Variants in NOSTRIN observed in about 807,000 individuals in gnomAD.
NOSTRIN encodes BM247 homolog.
A neutral mutation model predicts 59.0 loss-of-function variants in NOSTRIN; 63 were observed. The observed-to-expected ratio is 1.07, with a 90% confidence interval of 0.87 to 1.32. The LOEUF (loss-of-function observed/expected upper bound fraction) is 1.32. NOSTRIN is among the 40% of genes most tolerant of loss of function. The pLI is 0.00. For missense variants in NOSTRIN, 512 were observed against 473.1 expected (o/e 1.08, Z -0.76); for synonymous variants, 200 against 165.4 (o/e 1.21, Z -1.61).
At chr2:168,814,552 C>T (rs141220802) in intron 2 of NOSTRIN, among the ~76,000 whole-genome samples, 13 of 152,250 alleles carry the variant, frequency 8.5e-5, no homozygotes, top group African/African-American at 3.1e-4. Flanking sequence ...TATCTTGTTA[C>T]TTAAGGTTAC....
At chr2:168,787,996 T>C (rs570048784) in exon 2 of NOSTRIN, 1 of 152,016 alleles carries the variant, frequency 6.6e-6, no homozygotes, top group African/African-American at 2.4e-5. Context: ...ATACCCATGT[T>C]TGGGGGATGA....
At chr2:168,803,561 A>C (rs903729654) in intron 1 of NOSTRIN, among the ~76,000 whole-genome samples, 7 of 152,214 alleles carry the variant, frequency 4.6e-5, no homozygotes, top group Non-Finnish European at 1.5e-5. Context: ...TGTTTATTCA[A>C]TGGATAAGAA....
chr2:168,804,922 T>C lies in NOSTRIN; in HGVS notation c.27+2249T>C, dbSNP rs7573108. On this transcript the variant is annotated intron_variant, in intron 1 of 15. Coordinates refer to ENST00000317647, the MANE Select transcript of NOSTRIN (RefSeq NM_001039724.4). ...AAATTTTATGATAACATTACAGTTG[T>C]TGCACATATCTAGAAATATTTACAT... is the stretch of plus-strand genomic sequence containing the variant. Among the ~76,000 whole-genome samples the C allele has an allele frequency of 9.8e-3, 1,499 of 152,336 alleles. 23 individuals carry two copies. Among genetic ancestry groups the C allele is most frequent in the African/African-American group, 0.034 (1,427 of 41,570 alleles).
intron 1 of NOSTRIN, among the ~76,000 whole-genome samples, chr2:168,811,051 T>C (rs1190935710): frequency 6.6e-6 from 1 of 152,218 alleles, no homozygotes; most frequent in African/African-American, 2.4e-5. Flanking sequence ...TTTTTCTTAC[T>C]GGAATTAAAT....
intron 3 of NOSTRIN, among the ~76,000 whole-genome samples, chr2:168,826,446 T>TCCCTCCC (rs1559116867): frequency 6.6e-6 from 1 of 151,782 alleles, no homozygotes; most frequent in Non-Finnish European, 1.5e-5. Context: ...TTTCTTTCTC[T>TCCCTCCC]TCCCTCCCTT....
intron 15 of NOSTRIN, among the ~76,000 whole-genome samples, chr2:168,864,330 A>T (rs1229060582): frequency 1.3e-5 from 2 of 149,010 alleles, no homozygotes; most frequent in African/African-American, 5.0e-5. Context: ...GCTGTTGCCC[A>T]GGCTAGAGTG....
upstream of NOSTRIN, among the ~76,000 whole-genome samples, chr2:168,797,971 A>G (rs752883888): frequency 2.6e-5 from 4 of 152,186 alleles, no homozygotes; most frequent in Non-Finnish European, 4.4e-5. Context: ...ATCCAAAGAT[A>G]TTCAAGTCCC....
chr2:168,794,901 A>G (rs1283329374), upstream of NOSTRIN, among the ~76,000 whole-genome samples: 3 of 152,188 alleles, frequency 2.0e-5, no homozygotes, highest in Non-Finnish European at 4.4e-5. Flanking sequence ...CTCTTAGTAA[A>G]TACTTTTTAA....
rs773547063 is a variant in NOSTRIN at position 168,834,486 on chromosome 2, GGCGTGCGCGCGCGC to G, written c.504+165_504+178del. On this transcript the variant is annotated intron_variant, in intron 7 of 15. Coordinates refer to ENST00000317647, the MANE Select transcript of NOSTRIN (RefSeq NM_001039724.4). ...TAAAAGGGGATTCCAAATCATTACTGGCGTGCGCGCGCGCGCGCGCGCACACACACACACACACA... is the reference window on the plus strand; with the variant it reads ...TAAAAGGGGATTCCAAATCATTACTGGCGCGCGCACACACACACACACACA... Among the ~76,000 whole-genome samples the G allele has an allele frequency of 0.017, 780 of 46,526 alleles. 34 individuals are homozygous for G. The East Asian group carries it at 0.23, about 14-fold the overall frequency. The allele number at this position is 46,526 out of a possible 152,430, so 30.5% of individuals were successfully genotyped here. A position where few individuals can be genotyped will look rare whatever the true frequency, so the allele number is the denominator to read the frequency against.
At chr2:168,818,821 C>A (rs774026411) in intron 2 of NOSTRIN, among the ~76,000 whole-genome samples, 9 of 141,510 alleles carry the variant, frequency 6.4e-5, no homozygotes, top group Non-Finnish European at 1.4e-4. Flanking sequence ...GGTCCAGAAC[C>A]TTTTTTAGCA....
At chr2:168,799,459 G>A (rs949929128), upstream of NOSTRIN, among the ~76,000 whole-genome samples, 12 of 152,188 alleles carry the variant, frequency 7.9e-5, no homozygotes, top group African/African-American at 2.4e-4. Flanking sequence ...GGGGACAAAT[G>A]TGCTCACTGT....
chr2:168,843,646 A>T (rs1374509616), intron 8 of NOSTRIN, among the ~76,000 whole-genome samples: 1 of 152,260 alleles, frequency 6.6e-6, no homozygotes, highest in Non-Finnish European at 1.5e-5. Context: ...ACATCACAAA[A>T]GGAGAAATCA....
At chr2:168,864,691 C>T (rs1689743540) in intron 15 of NOSTRIN, 143 bp from the exon 16 acceptor site, 3 of 809,620 alleles carry the variant, frequency 3.7e-6, no homozygotes, top group Non-Finnish European at 5.9e-6. Flanking sequence ...GTGTTCGATA[C>T]ATTTGGCTTC....
At chr2:168,851,030 C>A in intron 8 of NOSTRIN, 54 bp from the exon 9 acceptor site, 1 of 1,040,170 alleles carries the variant, frequency 9.6e-7, no homozygotes, top group Non-Finnish European at 1.5e-6. Flanking sequence ...TGATGAGTGA[C>A]TTCCATTTTG....
At chr2:168,840,737 G>A (rs1234712411) in intron 7 of NOSTRIN, among the ~76,000 whole-genome samples, 1 of 152,028 alleles carries the variant, frequency 6.6e-6, no homozygotes, top group African/African-American at 2.4e-5. Flanking sequence ...AACAGCCTTT[G>A]TCTCTGTCCT....
intron 2 of NOSTRIN, among the ~76,000 whole-genome samples, chr2:168,822,655 T>G (rs1403016902): frequency 6.6e-6 from 1 of 152,218 alleles, no homozygotes; most frequent in South Asian, 2.1e-4. Flanking sequence ...TTCTCTATAG[T>G]CAAAAGTGAT....
intron 7 of NOSTRIN, among the ~76,000 whole-genome samples, 176 bp downstream of exon 7, chr2:168,834,501 GCGCGCGCACA>G (rs1280918786): frequency 1.1e-4 from 12 of 110,746 alleles, no homozygotes; most frequent in South Asian, 8.1e-4. Flanking sequence ...GCGCGCGCGC[GCGCGCGCACA>G]CACACACACA....
chr2:168,824,569 G>T (rs370013792), intron 2 of NOSTRIN, 65 bp from the exon 3 acceptor site: 3 of 825,772 alleles, frequency 3.6e-6, no homozygotes. Context: ...AAAGTGCTGG[G>T]ATTATAGGTG....
chr2:168,815,794 C>T (rs565747697), intron 2 of NOSTRIN, among the ~76,000 whole-genome samples: 2 of 152,166 alleles, frequency 1.3e-5, no homozygotes, highest in Non-Finnish European at 2.9e-5. Flanking sequence ...TATTGGACAT[C>T]TCCACCTGGA....
Sources: allele counts gnomAD v4.1 joint callset (sites outside exome capture counted in the v4.1 genomes callset), GRCh38; gene constraint gnomAD v4.1.1; transcripts MANE v1.5; gene names NCBI Gene and HGNC (gene_info 2026-07-23, HGNC 2026-07-21).